The following GTF3C3 variants were observed in gnomAD, a reference collection of about 807,000 sequenced individuals.
The protein encoded by GTF3C3 is general transcription factor IIIC subunit 3.
Under a neutral mutation model 105.2 loss-of-function variants are expected in GTF3C3, and 75 were observed. That is an observed-to-expected ratio of 0.71 (90% CI 0.59 to 0.86). The LOEUF (loss-of-function observed/expected upper bound fraction) is 0.86, where lower values mean the gene tolerates loss of function less well. GTF3C3 is among the 40% of genes least tolerant of loss of function. GTF3C3 has a pLI of 0.00. For synonymous variants in GTF3C3, 335 were observed against 370.4 expected (o/e 0.90, Z 1.10); for missense variants, 856 against 1,076.5 (o/e 0.80, Z 2.87).
intron 6 of GTF3C3, among the ~76,000 whole-genome samples, chr2:196,787,573 G>A (rs530661450): frequency 3.9e-5 from 6 of 152,146 alleles, no homozygotes; most frequent in Non-Finnish European, 8.8e-5. Flanking sequence ...CCTTTAGTCA[G>A]TATGACCATA....
intron 8 of GTF3C3, among the ~76,000 whole-genome samples, chr2:196,781,388 A>ATATATAT (rs10522313): frequency 7.9e-6 from 1 of 126,000 alleles, no homozygotes; most frequent in African/African-American, 2.9e-5. Flanking sequence ...ATATATATAT[A>ATATATAT]AAATTAAATA....
intron 6 of GTF3C3, 55 bp from the exon 7 acceptor site, chr2:196,785,643 C>A (rs2125747890): frequency 1.8e-6 from 2 of 1,090,704 alleles, no homozygotes; most frequent in South Asian, 1.4e-5. Flanking sequence ...TTATAAAACT[C>A]ATTTCCTTGC....
intron 3 of GTF3C3, 66 bp from the exon 4 acceptor site, chr2:196,791,526 T>C: frequency 7.3e-7 from 1 of 1,367,618 alleles, no homozygotes; most frequent in Non-Finnish European, 1.0e-6. Flanking sequence ...ATTCCAGCCA[T>C]ATTAATAAAT....
chr2:196,784,629 T>C (rs1047136463), intron 8 of GTF3C3: 1 of 159,566 alleles, frequency 6.3e-6, no homozygotes, highest in Non-Finnish European at 1.3e-5. Context: ...AAAAATGCCA[T>C]GTTCAAATGG....
intron 17 of GTF3C3, among the ~76,000 whole-genome samples, chr2:196,766,347 C>G (rs1261820773): frequency 6.6e-6 from 1 of 152,196 alleles, no homozygotes; most frequent in Non-Finnish European, 1.5e-5. Flanking sequence ...CTAAAATGCT[C>G]ACAGCCACAA....
At chr2:196,775,089 A>G (rs746742333) in intron 13 of GTF3C3, 27 bp downstream of exon 13, 1 of 1,590,302 alleles carries the variant, frequency 6.3e-7, no homozygotes, top group Non-Finnish European at 8.6e-7. Context: ...CAAATTTTAT[A>G]TAACATAATG....
At chr2:196,768,155 T>C (rs146375891) in intron 16 of GTF3C3, among the ~76,000 whole-genome samples, 3,858 of 152,200 alleles carry the variant, frequency 0.025, 61 homozygotes, top group Non-Finnish European at 0.039. Flanking sequence ...GTAGCTGGGA[T>C]TACAGGCACA....
intron 2 of GTF3C3, among the ~76,000 whole-genome samples, chr2:196,794,053 T>C (rs1237460365): frequency 2.6e-5 from 4 of 152,176 alleles, no homozygotes; most frequent in Admixed American, 6.5e-5. Context: ...CTCTCATGAA[T>C]AGATTAATCC....
Position 196,772,980 on chromosome 2 carries a change from C to G in GTF3C3, c.2005G>C (p.Glu669Gln). The change falls in exon 14 of 18, where the codon GAA (glutamate) becomes CAA (glutamine). Residue 669 changes from glutamate (E) to glutamine (Q), a missense_variant. This residue lies in a region of GTF3C3 where 605 missense variants were observed against 833.6 expected (regional missense o/e 0.73). Coordinates refer to ENST00000263956, the MANE Select transcript of GTF3C3 (RefSeq NM_012086.5). ...YDDRQKRKEL[E>Q]YFGLSAAILD... is the part of the protein sequence containing the mutation. ...ATTGCAGCAGACAGACCAAAGTATT[C>G]TAGTTCTTTGCGTTTTTGCCTGTCA... The G allele has an allele frequency of 6.2e-7, 1 of 1,611,602 alleles. No individual in the cohort carries two copies. The highest frequency in any genetic ancestry group is 2.2e-5 in the East Asian group (1 of 44,850).
At position 196,771,796 on chromosome 2, in the gene GTF3C3, A is replaced by T; in HGVS notation, c.2212T>A (p.Leu738Ile). 1 of 1,612,574 alleles carries T rather than the reference A, an allele frequency of 6.2e-7. No individual in the cohort carries two copies. Among genetic ancestry groups the T allele is most frequent in the Non-Finnish European group, 8.5e-7 (1 of 1,178,524 alleles). Residue 738 changes from leucine to isoleucine, a missense_variant, in exon 15 of 18, where the codon TTA becomes ATA. Leu to Ile is a conservative substitution (Grantham distance 5). Transcript: ENST00000263956. ...GATACAAATGCATTGTGTCCATTTA[A>T]GACACATAGGGCATGATTTTCTGGG... is the stretch of plus-strand genomic sequence containing the variant. ...KNPENHALCVLNGHNAFVSGS... is the reference protein window; with the variant it reads ...KNPENHALCVINGHNAFVSGS...
intron 14 of GTF3C3, 58 bp downstream of exon 14, chr2:196,772,858 A>T (rs1192523427): frequency 1.2e-6 from 1 of 849,986 alleles, no homozygotes; most frequent in African/African-American, 1.7e-5. Context: ...TTCTAAATCA[A>T]AGTACATGTA....
chr2:196,768,122 A>G (rs1030156731), intron 16 of GTF3C3, among the ~76,000 whole-genome samples: 6 of 151,726 alleles, frequency 4.0e-5, no homozygotes, highest in Non-Finnish European at 8.8e-5. Context: ...GGTTCAAGCG[A>G]CTCTCCTGCC....
chr2:196,771,578 A>C (rs1227649201), intron 15 of GTF3C3, among the ~76,000 whole-genome samples, 170 bp downstream of exon 15: 1 of 152,234 alleles, frequency 6.6e-6, no homozygotes, highest in Non-Finnish European at 1.5e-5. Context: ...ATTATCTACA[A>C]AGTAGGTCCA....
At chr2:196,784,954 G>A (rs755729664) in intron 7 of GTF3C3, 25 bp from the exon 8 acceptor site, 16 of 1,458,612 alleles carry the variant, frequency 1.1e-5, no homozygotes, top group Non-Finnish European at 1.5e-5. Flanking sequence ...AAGAAGAAAG[G>A]AAATAAAATA....
intron 8 of GTF3C3, among the ~76,000 whole-genome samples, chr2:196,781,350 A>ATAAAAAT (rs1699348174): frequency 1.1e-5 from 1 of 89,952 alleles, no homozygotes; most frequent in African/African-American, 4.3e-5. Flanking sequence ...GGGAAAAAAA[A>ATAAAAAT]AAAAAAAATA....
intron 15 of GTF3C3, among the ~76,000 whole-genome samples, chr2:196,771,335 C>T (rs963470597): frequency 6.6e-6 from 1 of 151,860 alleles, no homozygotes; most frequent in Admixed American, 6.6e-5. Flanking sequence ...AATCAGGTGG[C>T]AAAAGCATCC....
Position 196,764,552 on chromosome 2 carries a change from G to A in GTF3C3, c.*11C>T, listed in dbSNP as rs763214588. ...AGCAGCTGCCATTGCTCTGTTCTCA[G>A]TTGCGGTGCTTTATATAGAACAATA... is the stretch of plus-strand genomic sequence containing the variant. On this transcript the variant is annotated 3_prime_UTR_variant, in exon 18 of 18. Transcript: ENST00000263956. The A allele has an allele frequency of 1.2e-6, 2 of 1,612,166 alleles. No individual in the cohort carries two copies. Among genetic ancestry groups the A allele is most frequent in the Admixed American group, 3.3e-5 (2 of 59,940 alleles).
intron 2 of GTF3C3, among the ~76,000 whole-genome samples, chr2:196,795,495 A>C (rs1425997206): frequency 1.3e-5 from 2 of 152,252 alleles, no homozygotes; most frequent in African/African-American, 4.8e-5. Context: ...GAACATTCAA[A>C]ATAAAGATGA....
chr2:196,784,737 C>T, intron 8 of GTF3C3, 120 bp downstream of exon 8: 2 of 1,214,966 alleles, frequency 1.6e-6, no homozygotes, highest in Non-Finnish European at 2.1e-6. Context: ...CTTGGGAAAA[C>T]TTATTATGAG....
Sources: allele counts gnomAD v4.1 joint callset (sites outside exome capture counted in the v4.1 genomes callset), GRCh38; gene constraint gnomAD v4.1.1; regional missense constraint gnomAD v4.1.1; transcripts MANE v1.5; gene names NCBI Gene and HGNC (gene_info 2026-07-23, HGNC 2026-07-21).